Variants in GPR4 observed in about 807,000 individuals in gnomAD.
The protein encoded by GPR4 is G-prodeshotein coupled receptor 4.
A neutral mutation model predicts 17.8 loss-of-function variants in GPR4; 11 were observed. That is an observed-to-expected ratio of 0.62 (90% CI 0.39 to 1.02). The LOEUF is 1.02. GPR4 is among the 50% of genes least tolerant of loss of function. The pLI is 0.00. For missense variants in GPR4, 364 were observed against 495.4 expected (o/e 0.73, Z 2.52); for synonymous variants, 219 against 222.8 (o/e 0.98, Z 0.15).
chr19:45,594,077 T>TATATATATATTTG lies in GPR4; in HGVS notation c.-831-1381_-831-1380insCAAATATATATAT, dbSNP rs1555738334. Among the ~76,000 whole-genome samples, 20 of 90,386 alleles carry TATATATATATTTG rather than the reference T, an allele frequency of 2.2e-4. 1 individual carries two copies. Among genetic ancestry groups the TATATATATATTTG allele is most frequent in the African/African-American group, 1.2e-3 (20 of 17,330 alleles). 59.3% of individuals were successfully genotyped at this position (90,386 alleles called of 152,430 possible). On this transcript the variant is annotated intron_variant, in intron 1 of 1. Coordinates refer to ENST00000323040, the MANE Select transcript of GPR4 (RefSeq NM_005282.3). ...AAAAAAAAAAAAATATATATATATATATATATATATATATATAAAATAGAT... is the reference window on the plus strand; with the variant it reads ...AAAAAAAAAAAAATATATATATATATATATATATATTTGATATATATATATATATAAAATAGAT...
rs1009200157 is a variant in GPR4, at chr19:45,589,782, T to C, written c.*996A>G. On this transcript the variant is annotated 3_prime_UTR_variant, in exon 2 of 2. Transcript: ENST00000323040. ...CTTCCCATTTAGCAATTCCAAACATTACATATTTTTTATTTACTTGTGTAT... is the reference window on the plus strand; with the variant it reads ...CTTCCCATTTAGCAATTCCAAACATCACATATTTTTTATTTACTTGTGTAT... The C allele has an allele frequency of 1.1e-4, 16 of 152,228 alleles. No homozygotes were observed. Among genetic ancestry groups the C allele is most frequent in the African/African-American group, 3.9e-4 (16 of 41,434 alleles). 9.4% of individuals were successfully genotyped at this position (152,228 alleles called of 1,614,324 possible). A position where few individuals can be genotyped will look rare whatever the true frequency, so the allele number is the denominator to read the frequency against.
rs1186316579 is a variant in GPR4 at position 45,594,063 on chromosome 19, AATATATAT to A, written c.-831-1374_-831-1367del. 3.3e-3 allele frequency among the ~76,000 whole-genome samples: 120 copies of A among 36,240 alleles called. 1 individual carries two copies. Among genetic ancestry groups the A allele is most frequent in the East Asian group, 0.015 (24 of 1,588 alleles). The allele number at this position is 36,240 out of a possible 152,430, so 23.8% of individuals were successfully genotyped here. ...GCCTGGCTTAAAAAAAAAAAAAAAA[AATATATAT>A]ATATATATATATATATATATATAAA... On this transcript the variant is annotated intron_variant, in intron 1 of 1. Transcript: ENST00000323040.
Position 45,591,595 on chromosome 19 carries a change from T to C in GPR4, c.272A>G (p.Lys91Arg), listed in dbSNP as rs1296724056. The C allele has an allele frequency of 1.2e-6, 2 of 1,613,972 alleles. No homozygotes were observed. The highest frequency in any genetic ancestry group is 1.7e-6 in the Non-Finnish European group (2 of 1,179,988). The change falls in exon 2 of 2, where the codon AAG becomes AGG. Residue 91 changes from lysine (K) to arginine (R), a missense_variant. Around this residue, in one of 3 missense-constraint regions of GPR4, gnomAD observed 271 missense variants for 373.1 expected, o/e 0.73. Coordinates refer to ENST00000323040, the MANE Select transcript of GPR4 (RefSeq NM_005282.3). This position sits in a 1 kb window ranked among gnomAD's most constrained non-coding sequence, Gnocchi z 7.6. ...DNWIHGPGSCKLFGFIFYTNI... is the reference protein window; with the variant it reads ...DNWIHGPGSCRLFGFIFYTNI... The stretch of plus-strand genomic sequence containing the variant: ...GGTGTAGAAGATGAACCCAAAGAGC[T>C]TGCAGGACCCGGGGCCGTGGATCCA...
chr19:45,599,427 C>G (rs1467174745), intron 1 of GPR4, among the ~76,000 whole-genome samples: 2 of 140,752 alleles, frequency 1.4e-5, no homozygotes, highest in African/African-American at 5.0e-5. Context: ...GCTCCCACCA[C>G]CCCCCCCTCC....
At position 45,590,436 on chromosome 19, in the gene GPR4, G is replaced by A. The variant is rs1426455158; in HGVS notation, c.*342C>T. On this transcript the variant is annotated 3_prime_UTR_variant, in exon 2 of 2. Coordinates refer to ENST00000323040, the MANE Select transcript of GPR4 (RefSeq NM_005282.3). ...ATTTGTGGTCCCAGCTACTCGGGAG[G>A]CTGATGTGGGAAGATCGCTGGAGAG... The A allele has an allele frequency of 4.3e-6, 1 of 232,278 alleles. No homozygotes were observed. Among genetic ancestry groups the A allele is most frequent in the Non-Finnish European group, 8.3e-6 (1 of 120,580 alleles). 14.4% of individuals were successfully genotyped at this position (232,278 alleles called of 1,614,324 possible).
chr19:45,591,370 G>A lies in GPR4; in HGVS notation c.497C>T (p.Thr166Ile). ...DELFRDRYNHTFCFEKFPMEG... is the reference protein window; with the variant it reads ...DELFRDRYNHIFCFEKFPMEG... The stretch of plus-strand genomic sequence containing the variant: ...CATGGGGAACTTCTCAAAGCAGAAG[G>A]TGTGGTTGTAGCGGTCTCGGAAGAG... The change falls in exon 2 of 2, where the codon ACC (threonine) becomes ATC (isoleucine). Residue 166 changes from threonine to isoleucine, a missense_variant. Coordinates refer to ENST00000323040, the MANE Select transcript of GPR4 (RefSeq NM_005282.3). This position sits in a 1 kb window ranked among gnomAD's most constrained non-coding sequence, Gnocchi z 7.6. 1 of 1,613,622 alleles carries A rather than the reference G, an allele frequency of 6.2e-7. No homozygotes were observed.
At position 45,591,550 on chromosome 19, in the gene GPR4, G is replaced by T; in HGVS notation, c.317C>A (p.Ala106Asp). The T allele has an allele frequency of 6.2e-7, 1 of 1,614,016 alleles. No individual in the cohort carries two copies. Among genetic ancestry groups the T allele is most frequent in the Non-Finnish European group, 8.5e-7 (1 of 1,179,996 alleles). ...IFYTNIYISI[A>D]FLCCISVDRY... is the part of the protein sequence containing the mutation. ...GTCCACCGAGATGCAGCACAGGAAG[G>T]CGATGCTGATGTAGATATTGGTGTA... is the stretch of plus-strand genomic sequence containing the variant. Residue 106 changes from alanine to aspartate, a missense_variant, in exon 2 of 2, where the codon GCC (alanine) becomes GAC (aspartate). This residue lies in a region of GPR4 where 271 missense variants were observed against 373.1 expected (regional missense o/e 0.73). Transcript: ENST00000323040. The surrounding 1 kb of genome is among the most constrained non-coding windows in gnomAD (Gnocchi z 7.6).
rs755698522 is a variant in GPR4 at position 45,590,982 on chromosome 19, G to T, written c.885C>A (p.Ser295Arg). Reference sequence around the variant, plus strand: ...GGTTGTGCAGGGCCTTGGCCACATCGCTGCGGGCGCCCTCGTTGACCAGGC... The same window carrying T: ...GGTTGTGCAGGGCCTTGGCCACATCTCTGCGGGCGCCCTCGTTGACCAGGC... ...LYCLVNEGAR[S>R]DVAKALHNLL... Residue 295 changes from serine to arginine, a missense_variant, in exon 2 of 2, where the codon AGC becomes AGA. Ser to Arg is a moderately radical substitution (Grantham distance 110, BLOSUM62 -1). Transcript: ENST00000323040. 1.1e-5 allele frequency: 18 copies of T among 1,613,754 alleles called. No individual in the cohort carries two copies. The highest frequency in any genetic ancestry group is 1.4e-5 in the Non-Finnish European group (17 of 1,180,030).
In GPR4 at chr19:45,591,992, G is replaced by A; in HGVS notation, c.-126C>T. 4 of 1,039,684 alleles carry A rather than the reference G, an allele frequency of 3.8e-6. No individual in the cohort carries two copies. The highest frequency in any genetic ancestry group is 6.2e-5 in the Admixed American group (2 of 32,390). The allele number at this position is 1,039,684 out of a possible 1,614,324, so 64.4% of individuals were successfully genotyped here. Reference sequence around the variant, plus strand: ...GGCTCAGGGGAACATGGTGGGATGTGGTCTACAGGGAAGAGATGAGGTTGG... The same window carrying A: ...GGCTCAGGGGAACATGGTGGGATGTAGTCTACAGGGAAGAGATGAGGTTGG... On this transcript the variant is annotated 5_prime_UTR_variant, in exon 2 of 2. Transcript: ENST00000323040. This position sits in a 1 kb window ranked among gnomAD's most constrained non-coding sequence, Gnocchi z 7.6.
At chr19:45,601,260 C>T (rs1427160050) in intron 1 of GPR4, among the ~76,000 whole-genome samples, 2 of 152,208 alleles carry the variant, frequency 1.3e-5, no homozygotes, top group African/African-American at 4.8e-5. Flanking sequence ...AGCTATTCCT[C>T]AGCCTAGTTT....
intron 1 of GPR4, among the ~76,000 whole-genome samples, chr19:45,599,084 CT>C (rs1297464824): frequency 1.3e-5 from 2 of 152,206 alleles, no homozygotes; most frequent in Admixed American, 6.5e-5. Flanking sequence ...GAAGCTCCCC[CT>C]GTCTGTCCCA....
At position 45,590,790 on chromosome 19, in the gene GPR4, C is replaced by CGGCAGCA; in HGVS notation, c.1070_1076dup (p.Pro360AlafsTer40). The CGGCAGCA allele has an allele frequency of 6.4e-7, 1 of 1,570,250 alleles. No homozygotes were observed. The highest frequency in any genetic ancestry group is 8.6e-7 in the Non-Finnish European group (1 of 1,157,098). ...TGCCACTCGGGGTTCATTGTGCTGG[C>CGGCAGCA]GGCAGCATCTTCAGCTGCACCTGGT... On this transcript the variant is annotated frameshift_variant, in exon 2 of 2. Coordinates refer to ENST00000323040, the MANE Select transcript of GPR4 (RefSeq NM_005282.3). LOFTEE classifies it high-confidence loss of function.
intron 1 of GPR4, among the ~76,000 whole-genome samples, chr19:45,593,445 G>A (rs1489212412): frequency 1.3e-5 from 2 of 150,064 alleles, no homozygotes; most frequent in Non-Finnish European, 2.9e-5. Context: ...GTTGCAGTGA[G>A]CTGAGATCGC....
intron 1 of GPR4, among the ~76,000 whole-genome samples, chr19:45,594,784 A>T (rs1970040819): frequency 1.5e-5 from 1 of 66,276 alleles, no homozygotes; most frequent in Non-Finnish European, 3.1e-5. Context: ...GGAGTTCAAG[A>T]TCAGCCTGGC....
intron 1 of GPR4, among the ~76,000 whole-genome samples, chr19:45,594,063 A>AATATATATAT (rs1186316579): frequency 1.1e-4 from 4 of 36,244 alleles, no homozygotes; most frequent in Non-Finnish European, 1.8e-4. Context: ...AAAAAAAAAA[A>AATATATATAT]ATATATATAT....
intron 1 of GPR4, among the ~76,000 whole-genome samples, chr19:45,595,197 A>C (rs889417837): frequency 2.0e-4 from 29 of 142,278 alleles, no homozygotes; most frequent in African/African-American, 7.4e-4. Context: ...AATTGCTTGA[A>C]CCCGGGAGGC....
At chr19:45,593,948 C>G (rs1049140842) in intron 1 of GPR4, among the ~76,000 whole-genome samples, 7 of 148,906 alleles carry the variant, frequency 4.7e-5, no homozygotes, top group African/African-American at 1.8e-4. Context: ...AGCACGATCA[C>G]AGCTCACAGC....
Position 45,591,746 on chromosome 19 carries a change from C to G in GPR4, c.121G>C (p.Ala41Pro). The change falls in exon 2 of 2, where the codon GCG becomes CCG. Residue 41 changes from alanine (A) to proline (P), a missense_variant. Transcript: ENST00000323040. This position sits in a 1 kb window ranked among gnomAD's most constrained non-coding sequence, Gnocchi z 7.6. ...GLPTNCLALW[A>P]AYRQVQQRNE... ...CGCTGTTGCACCTGGCGGTAGGCCGCCCACAGAGCCAGGCAGTTGGTGGGC... is the reference window on the plus strand; with the variant it reads ...CGCTGTTGCACCTGGCGGTAGGCCGGCCACAGAGCCAGGCAGTTGGTGGGC... 6.2e-7 allele frequency: 1 copy of G among 1,613,808 alleles called. No homozygotes were observed. Among genetic ancestry groups the G allele is most frequent in the Non-Finnish European group, 8.5e-7 (1 of 1,179,940 alleles).
At chr19:45,598,289 C>T (rs1197814267) in intron 1 of GPR4, among the ~76,000 whole-genome samples, 1 of 152,060 alleles carries the variant, frequency 6.6e-6, no homozygotes, top group Non-Finnish European at 1.5e-5. Context: ...TCCACGGGGA[C>T]TAGGGGGCTG....
Sources: allele counts gnomAD v4.1 joint callset (sites outside exome capture counted in the v4.1 genomes callset), GRCh38; gene constraint gnomAD v4.1.1; regional missense constraint gnomAD v4.1.1; non-coding constraint Gnocchi (gnomAD v3.1); transcripts MANE v1.5; gene names NCBI Gene and HGNC (gene_info 2026-07-23, HGNC 2026-07-21).